The following DLGAP2 variants were observed in gnomAD, a reference collection of about 807,000 sequenced individuals.
DLGAP2 encodes the protein DLG associated protein 2.
DLGAP2 carries 26 observed loss-of-function variants against 100.3 expected under a neutral mutation model. The ratio of observed to expected loss-of-function variants is 0.26; its 90% CI spans 0.19 to 0.36. DLGAP2 has a LOEUF of 0.36. DLGAP2 is among the 10% of genes least tolerant of loss of function. The pLI is 1.00. For missense variants in DLGAP2, 1,858 were observed against 1,453.2 expected (o/e 1.28, Z -4.53); for synonymous variants, 886 against 630.1 (o/e 1.41, Z -6.08).
chr8:1,355,518 C>A (rs1801828225), intron 3 of DLGAP2, among the ~76,000 whole-genome samples: 1 of 151,900 alleles, frequency 6.6e-6, no homozygotes, highest in Non-Finnish European at 1.5e-5. Flanking sequence ...GTGTGTGCCA[C>A]CATGCTTGGC....
At chr8:1,464,316 A>AGCTCCCTTCCAGG (rs1563164892) in intron 3 of DLGAP2, among the ~76,000 whole-genome samples, 6 of 52,596 alleles carry the variant, frequency 1.1e-4, no homozygotes, top group South Asian at 9.0e-4. Context: ...CTTCCAGGAC[A>AGCTCCCTTCCAGG]ACGCCCTTCC....
At chr8:880,872 G>T (rs552915424) in intron 1 of DLGAP2, among the ~76,000 whole-genome samples, 5 of 152,196 alleles carry the variant, frequency 3.3e-5, no homozygotes, top group Non-Finnish European at 7.3e-5. Context: ...ATTAGGGTGG[G>T]TGCCTCCTCC....
chr8:1,546,241 A>C (rs897205413), intron 4 of DLGAP2, among the ~76,000 whole-genome samples: 1 of 152,248 alleles, frequency 6.6e-6, no homozygotes, highest in South Asian at 2.1e-4. Context: ...CTCACCTTGA[A>C]GTTAAAGGAT....
intron 1 of DLGAP2, 94 bp from the exon 2 acceptor site, chr8:907,818 T>A (rs11137109): frequency 5.0e-6 from 2 of 396,632 alleles, no homozygotes; most frequent in African/African-American, 2.1e-5. Context: ...AACATTGAAC[T>A]ACCTTATTAG....
intron 6 of DLGAP2, among the ~76,000 whole-genome samples, chr8:1,587,041 G>A (rs1400126579): frequency 7.2e-5 from 11 of 152,146 alleles, no homozygotes; most frequent in African/African-American, 1.7e-4. Flanking sequence ...AAGTCCTAGC[G>A]GGAGGGGCAA....
intron 1 of DLGAP2, among the ~76,000 whole-genome samples, chr8:814,495 C>T (rs1796427259): frequency 6.6e-6 from 1 of 152,066 alleles, no homozygotes; most frequent in African/African-American, 2.4e-5. Context: ...GGGCTGGATC[C>T]TGGATTCAGA....
intron 1 of DLGAP2, among the ~76,000 whole-genome samples, chr8:836,327 T>C (rs187717816): frequency 7.1e-4 from 108 of 152,262 alleles, no homozygotes; most frequent in African/African-American, 2.4e-3. Flanking sequence ...TGAGAAGATA[T>C]CGGCTTGGTC....
chr8:842,067 A>G (rs140003501), intron 1 of DLGAP2, among the ~76,000 whole-genome samples: 10 of 152,230 alleles, frequency 6.6e-5, no homozygotes, highest in African/African-American at 2.2e-4. Flanking sequence ...TAATGCCATA[A>G]TATATTGGCA....
intron 2 of DLGAP2, among the ~76,000 whole-genome samples, chr8:922,147 GT>G (rs1798728807): frequency 6.6e-6 from 1 of 152,224 alleles, no homozygotes; most frequent in Non-Finnish European, 1.5e-5. Context: ...GAGGCGCCGA[GT>G]TTTTGGTGTT....
intron 1 of DLGAP2, among the ~76,000 whole-genome samples, chr8:883,573 GC>G (rs1270221388): frequency 3.1e-4 from 47 of 151,712 alleles, no homozygotes; most frequent in African/African-American, 1.1e-3. Context: ...ACACAGGTAC[GC>G]GTGTGCCGCG....
At chr8:812,976 G>C (rs1289877743) in intron 1 of DLGAP2, among the ~76,000 whole-genome samples, 1 of 152,192 alleles carries the variant, frequency 6.6e-6, no homozygotes, top group East Asian at 1.9e-4. Context: ...CTCAAATGAG[G>C]AGTGGTTGAT....
At chr8:1,261,977 A>C (rs1260993329) in intron 3 of DLGAP2, among the ~76,000 whole-genome samples, 1 of 152,192 alleles carries the variant, frequency 6.6e-6, no homozygotes, top group Non-Finnish European at 1.5e-5. Context: ...AGGTTAAGGC[A>C]CCACCTCATT....
chr8:811,219 A>C (rs1012055411), intron 1 of DLGAP2, among the ~76,000 whole-genome samples: 1 of 152,260 alleles, frequency 6.6e-6, no homozygotes, highest in South Asian at 2.1e-4. Context: ...GCTTCTGGGA[A>C]AGAGGTTTCC....
At chr8:972,271 C>A (rs548969126) in intron 2 of DLGAP2, among the ~76,000 whole-genome samples, 1 of 152,052 alleles carries the variant, frequency 6.6e-6, no homozygotes, top group Admixed American at 6.5e-5. Context: ...ACAAGGCATG[C>A]GGAAAGGAAG....
chr8:932,610 C>A (rs541780277), intron 2 of DLGAP2, among the ~76,000 whole-genome samples: 1 of 152,190 alleles, frequency 6.6e-6, no homozygotes, highest in East Asian at 1.9e-4. Flanking sequence ...TTTTAGTAAG[C>A]ACATAATGAA....
At chr8:1,423,271 A>G (rs1249948134) in intron 3 of DLGAP2, among the ~76,000 whole-genome samples, 1 of 151,852 alleles carries the variant, frequency 6.6e-6, no homozygotes, top group African/African-American at 2.4e-5. Context: ...AGCTCTTATC[A>G]CTCCCTGACC....
At chr8:793,940 G>A (rs12544460) in intron 1 of DLGAP2, among the ~76,000 whole-genome samples, 3 of 151,874 alleles carry the variant, frequency 2.0e-5, no homozygotes, top group South Asian at 2.1e-4. Flanking sequence ...GGTTTTCTTC[G>A]CCTGCCATAC....
At chr8:1,329,909 C>G (rs926359823) in intron 3 of DLGAP2, among the ~76,000 whole-genome samples, 2 of 152,232 alleles carry the variant, frequency 1.3e-5, no homozygotes, top group Admixed American at 1.3e-4. Context: ...TTGCTGCAAG[C>G]TGCAGCCGCC....
chr8:1,031,184 C>G (rs1035343791), intron 2 of DLGAP2, among the ~76,000 whole-genome samples: 5 of 151,942 alleles, frequency 3.3e-5, no homozygotes, highest in African/African-American at 1.2e-4. Flanking sequence ...TCACCCAATA[C>G]GTACACACTC....
Sources: allele counts gnomAD v4.1 joint callset (sites outside exome capture counted in the v4.1 genomes callset), GRCh38; gene constraint gnomAD v4.1.1; transcripts MANE v1.5; gene names NCBI Gene and HGNC (gene_info 2026-07-23, HGNC 2026-07-21).